Variants in CLYBL observed in about 807,000 individuals in gnomAD.
CLYBL encodes the protein citramalyl-CoA lyase, mitochondrial.
In CLYBL, 31 loss-of-function variants were observed where a neutral mutation model predicts 38.9. The ratio of observed to expected loss-of-function variants is 0.80; its 90% CI spans 0.60 to 1.08. The LOEUF is 1.08. Among genes scored for constraint, CLYBL ranks in the 50% least tolerant of loss-of-function variants. The probability of loss-of-function intolerance (pLI) is 0.00; values close to 1 mark genes in which losing one functional copy is unlikely to be tolerated. For synonymous variants in CLYBL, 171 were observed against 158.6 expected, an observed-to-expected ratio of 1.08 and a Z score of -0.59; for missense variants, 434 against 411.6, an observed-to-expected ratio of 1.05 and a Z score of -0.47.
intron 1 of CLYBL, among the ~76,000 whole-genome samples, chr13:99,610,706 G>A (rs1436463080): frequency 6.6e-6 from 1 of 152,086 alleles, no homozygotes; most frequent in African/African-American, 2.4e-5. Context: ...AGCACTTAAG[G>A]TCTTTCCTTA....
chr13:99,781,633 G>A (rs561376080), intron 2 of CLYBL, among the ~76,000 whole-genome samples: 4 of 152,070 alleles, frequency 2.6e-5, no homozygotes, highest in African/African-American at 7.2e-5. Context: ...CTGCCACCAC[G>A]TCTGGCTAAT....
At chr13:99,815,705 C>T (rs1312616697) in intron 2 of CLYBL, among the ~76,000 whole-genome samples, 1 of 152,054 alleles carries the variant, frequency 6.6e-6, no homozygotes, top group African/African-American at 2.4e-5. Context: ...GGTGAAACCT[C>T]GTCTCTACTA....
intron 1 of CLYBL, among the ~76,000 whole-genome samples, chr13:99,633,369 G>A (rs963688466): frequency 1.3e-5 from 2 of 151,682 alleles, no homozygotes; most frequent in Non-Finnish European, 2.9e-5. Context: ...GCAAAACCCC[G>A]TCTCTACTAA....
At chr13:99,669,743 G>A (rs1236281692) in intron 1 of CLYBL, among the ~76,000 whole-genome samples, 2 of 152,188 alleles carry the variant, frequency 1.3e-5, no homozygotes, top group Non-Finnish European at 2.9e-5. Flanking sequence ...ACCCCACACA[G>A]CATATATCTC....
At chr13:99,639,510 G>C (rs1202921327) in intron 1 of CLYBL, among the ~76,000 whole-genome samples, 3 of 152,178 alleles carry the variant, frequency 2.0e-5, no homozygotes, top group Non-Finnish European at 4.4e-5. Flanking sequence ...TCATGTAAAT[G>C]CATTTATATG....
At chr13:99,909,062 G>A (rs1351410708) in exon 10 of CLYBL, among the ~76,000 whole-genome samples, 3 of 152,182 alleles carry the variant, frequency 2.0e-5, no homozygotes, top group Non-Finnish European at 4.4e-5. Context: ...CTTCCTTTAT[G>A]TCAGGTACCT....
At chr13:99,820,458 G>C (rs952725680) in intron 2 of CLYBL, among the ~76,000 whole-genome samples, 2 of 151,992 alleles carry the variant, frequency 1.3e-5, no homozygotes, top group Non-Finnish European at 2.9e-5. Flanking sequence ...CATATACTCT[G>C]TTTGCCTACC....
At chr13:99,731,393 G>A (rs1195839800) in intron 1 of CLYBL, among the ~76,000 whole-genome samples, 1 of 151,502 alleles carries the variant, frequency 6.6e-6, no homozygotes, top group Non-Finnish European at 1.5e-5. Context: ...CAGCACTTTG[G>A]GAGGCCATGG....
At chr13:99,883,794 C>CCT (rs762091106) in intron 7 of CLYBL, among the ~76,000 whole-genome samples, 4 of 152,120 alleles carry the variant, frequency 2.6e-5, no homozygotes, top group Non-Finnish European at 5.9e-5. Context: ...TCCCCACGCC[C>CCT]CTCTCCTGTC....
exon 10 of CLYBL, among the ~76,000 whole-genome samples, chr13:99,909,175 A>G (rs531947311): frequency 2.9e-4 from 44 of 152,368 alleles, no homozygotes; most frequent in African/African-American, 1.0e-3. Flanking sequence ...AGACAGAAAT[A>G]TGTACAGGGC....
intron 7 of CLYBL, among the ~76,000 whole-genome samples, chr13:99,876,290 G>A (rs945931814): frequency 1.4e-4 from 21 of 150,930 alleles, no homozygotes; most frequent in Admixed American, 2.6e-4. Flanking sequence ...GTGTGGTAGC[G>A]GGTGACTGTA....
chr13:99,772,035 T>A lies in CLYBL; in HGVS notation c.63-789T>A, dbSNP rs867944828. ...ACCAGTCTATCTTGTCTTGTTAAAA[T>A]TGGATGTGAATCACCAATTTTCACC... On this transcript the variant is annotated intron_variant, in intron 1 of 8. Transcript: ENST00000339105. 2.8e-4 allele frequency among the ~76,000 whole-genome samples: 43 copies of A among 152,326 alleles called. No homozygotes were observed. In the Middle Eastern group the frequency reaches 0.014, roughly 48 times the overall value.
intron 1 of CLYBL, among the ~76,000 whole-genome samples, chr13:99,733,513 T>C (rs1015865421): frequency 6.6e-6 from 1 of 152,250 alleles, no homozygotes; most frequent in Admixed American, 6.5e-5. Flanking sequence ...TACAACATAG[T>C]GGTGTTTAAC....
chr13:99,898,838 T>C (rs147702290), downstream of CLYBL, among the ~76,000 whole-genome samples: 673 of 152,356 alleles, frequency 4.4e-3, 5 homozygotes, highest in Middle Eastern at 0.02. Flanking sequence ...ACTTTCATTA[T>C]AGTGGTTGTT....
At chr13:99,793,267 G>A (rs1594186630) in intron 2 of CLYBL, among the ~76,000 whole-genome samples, 1 of 152,284 alleles carries the variant, frequency 6.6e-6, no homozygotes, top group East Asian at 1.9e-4. Context: ...CAGGGGCATG[G>A]GGAGCCAACT....
intron 2 of CLYBL, among the ~76,000 whole-genome samples, chr13:99,811,535 G>A (rs925827861): frequency 6.6e-6 from 1 of 152,200 alleles, no homozygotes; most frequent in Admixed American, 6.5e-5. Context: ...TGATGAGAAG[G>A]AGGAAGCTGA....
intron 3 of CLYBL, among the ~76,000 whole-genome samples, chr13:99,859,421 C>T (rs982791553): frequency 1.3e-5 from 2 of 152,156 alleles, no homozygotes; most frequent in African/African-American, 2.4e-5. Flanking sequence ...AGAGCAGTGA[C>T]GTAAATGGCC....
chr13:99,767,925 G>A lies in CLYBL; in HGVS notation c.63-4899G>A, dbSNP rs116380545. 8.2e-3 allele frequency among the ~76,000 whole-genome samples: 1,244 copies of A among 152,152 alleles called. 17 individuals carry two copies. Among genetic ancestry groups the A allele is most frequent in the African/African-American group, 0.029 (1,192 of 41,522 alleles). Reference sequence around the variant, plus strand: ...AGTTGTTTTAAAGTCTTTGCCATCAGGTCTCTTTCAGGGACCGTTTCTGTT... The same window carrying A: ...AGTTGTTTTAAAGTCTTTGCCATCAAGTCTCTTTCAGGGACCGTTTCTGTT... On this transcript the variant is annotated intron_variant, in intron 1 of 8. Transcript: ENST00000339105.
chr13:99,863,151 T>C, intron 4 of CLYBL, 59 bp downstream of exon 4: 1 of 882,470 alleles, frequency 1.1e-6, no homozygotes, highest in Non-Finnish European at 1.7e-6. Flanking sequence ...TAAAGAGAAC[T>C]TTTGCTTTCA....
Sources: allele counts gnomAD v4.1 joint callset (sites outside exome capture counted in the v4.1 genomes callset), GRCh38; gene constraint gnomAD v4.1.1; transcripts MANE v1.5; gene names NCBI Gene and HGNC (gene_info 2026-07-23, HGNC 2026-07-21).